Variants in MORC3 observed in about 807,000 individuals in gnomAD.
MORC3 encodes the protein MORC family CW-type zinc finger 3, also known as MORC family CW-type zinc finger protein 3.
Under a neutral mutation model 109.1 loss-of-function variants are expected in MORC3, and 31 were observed. That is an observed-to-expected ratio of 0.28 (90% CI 0.21 to 0.38). The LOEUF is 0.38. MORC3 is among the 10% of genes least tolerant of loss of function. The pLI is 1.00. For synonymous variants in MORC3, 395 were observed against 380.7 expected (o/e 1.04, Z -0.44); for missense variants, 867 against 1,135.8 (o/e 0.76, Z 3.40).
intron 13 of MORC3, among the ~76,000 whole-genome samples, chr21:36,362,595 T>A (rs986650608): frequency 3.3e-5 from 5 of 151,912 alleles, no homozygotes; most frequent in African/African-American, 1.2e-4. Flanking sequence ...CAGGCTGGTC[T>A]TGAACTCCTG....
intron 8 of MORC3, 100 bp from the exon 9 acceptor site, chr21:36,349,211 A>G: frequency 3.9e-6 from 3 of 778,670 alleles, no homozygotes; most frequent in East Asian, 2.9e-5. Context: ...ATCATACAAG[A>G]TAAAATATAG....
chr21:36,357,731 G>GT (rs1271655500), intron 10 of MORC3, among the ~76,000 whole-genome samples: 5,253 of 134,740 alleles, frequency 0.039, 123 homozygotes, highest in African/African-American at 0.064. Flanking sequence ...GGTTGGTTGG[G>GT]TTTTTTTTTT....
intron 8 of MORC3, chr21:36,348,066 T>A (rs892913713): frequency 6.6e-6 from 1 of 152,230 alleles, no homozygotes; most frequent in Non-Finnish European, 1.5e-5. Flanking sequence ...GAGTTACACA[T>A]TTTACTTTTT....
intron 8 of MORC3, among the ~76,000 whole-genome samples, chr21:36,345,541 C>G (rs1028325223): frequency 6.6e-6 from 1 of 151,946 alleles, no homozygotes; most frequent in African/African-American, 2.4e-5. Flanking sequence ...CCTGCCTCAG[C>G]CTTCCAAGTA....
chr21:36,370,639 ATTTTTTTTTTTTTTTTTT>A (rs869169013), intron 15 of MORC3, among the ~76,000 whole-genome samples: 4 of 37,568 alleles, frequency 1.1e-4, no homozygotes, highest in Admixed American at 4.1e-4. Context: ...ATATATATAT[ATTTTTTTTTTTTTTTTTT>A]TTTTTTTTTT....
chr21:36,329,210 G>A lies in MORC3; in HGVS notation c.40-4436G>A, dbSNP rs193143464. Among the ~76,000 whole-genome samples the A allele has an allele frequency of 3.8e-3, 575 of 152,060 alleles. 3 individuals carry two copies. Among genetic ancestry groups the A allele is most frequent in the Middle Eastern group, 0.027 (8 of 294 alleles). ...CTTGGGAAGCTGTGGCAGGAGAATC[G>A]CTTGAACCCGGGAGGCAGAGGTTGC... On this transcript the variant is annotated intron_variant, in intron 1 of 16. Transcript: ENST00000400485.
intron 13 of MORC3, among the ~76,000 whole-genome samples, chr21:36,362,453 G>T (rs573973399): frequency 6.6e-6 from 1 of 152,176 alleles, no homozygotes; most frequent in South Asian, 2.1e-4. Flanking sequence ...TGAAACAGGA[G>T]AATTGCTTGA....
chr21:36,339,175 G>C (rs1257887465), intron 5 of MORC3: 1 of 274,894 alleles, frequency 3.6e-6, no homozygotes, highest in African/African-American at 2.2e-5. Context: ...GCTGGAATGC[G>C]ATGGCGCAAT....
chr21:36,335,744 C>G (rs948581715), intron 2 of MORC3, among the ~76,000 whole-genome samples: 2 of 152,162 alleles, frequency 1.3e-5, no homozygotes, highest in African/African-American at 4.8e-5. Flanking sequence ...CTTGGTTTAA[C>G]TTGGTTAAAC....
chr21:36,334,023 G>A (rs993078017), intron 2 of MORC3, among the ~76,000 whole-genome samples: 1 of 151,764 alleles, frequency 6.6e-6, no homozygotes, highest in African/African-American at 2.4e-5. Context: ...TCCTGACCTC[G>A]TGATCCGCCT....
At chr21:36,365,859 G>A (rs2085775230) in intron 14 of MORC3, among the ~76,000 whole-genome samples, 1 of 152,152 alleles carries the variant, frequency 6.6e-6, no homozygotes, top group Non-Finnish European at 1.5e-5. Context: ...TGGGATTACA[G>A]GTGTGAGCCA....
At chr21:36,337,393 C>G (rs941638983) in intron 3 of MORC3, among the ~76,000 whole-genome samples, 8 of 152,120 alleles carry the variant, frequency 5.3e-5, no homozygotes, top group African/African-American at 7.2e-5. Flanking sequence ...GGGTTATACT[C>G]AGCTATTTAG....
At position 36,337,909 on chromosome 21, in the gene MORC3, G is replaced by A. The variant is rs747056930; in HGVS notation, c.423G>A (p.Glu141=). 7 of 1,614,044 alleles carry A rather than the reference G, an allele frequency of 4.3e-6. No homozygotes were observed. In the African/African-American group the frequency reaches 9.3e-5, roughly 22 times the overall value. Residue 141 remains glutamate, a synonymous_variant, in exon 4 of 17, where the codon GAG becomes GAA. Transcript: ENST00000400485. ...CCTACTTGGAAGTCATAAAAGCGGA[G>A]CATGTTGTTGTTCCAATAGTGGCAT... ...SQTYLEVIKA[E]HVVVPIVAFN...
At chr21:36,336,123 A>T in intron 2 of MORC3, among the ~76,000 whole-genome samples, 1 of 137,324 alleles carries the variant, frequency 7.3e-6, no homozygotes, top group African/African-American at 2.8e-5. Flanking sequence ...TACAGATGGG[A>T]TTTCACCCTG....
intron 14 of MORC3, among the ~76,000 whole-genome samples, chr21:36,365,927 G>A (rs2085776023): frequency 6.6e-6 from 1 of 151,988 alleles, no homozygotes; most frequent in African/African-American, 2.4e-5. Flanking sequence ...TTTTGGAGCT[G>A]GATTGCTACT....
intron 2 of MORC3, among the ~76,000 whole-genome samples, chr21:36,333,981 G>A (rs898084382): frequency 7.9e-5 from 12 of 151,738 alleles, no homozygotes; most frequent in Non-Finnish European, 1.5e-4. Flanking sequence ...TAGAGACGGG[G>A]TTTCACTGTG....
At chr21:36,360,765 T>C (rs2835340) in intron 12 of MORC3, 116,821 of 159,540 alleles carry the variant, frequency 0.73, 44,018 homozygotes, top group East Asian at 1. Context: ...GTACAGGGAA[T>C]AAACATTTAC....
Position 36,354,323 on chromosome 21 carries a change from CTTTT to C in MORC3, c.1104-2282_1104-2279del, listed in dbSNP as rs144208712. 1.5e-3 allele frequency among the ~76,000 whole-genome samples: 173 copies of C among 113,642 alleles called. No homozygotes were observed. In the Middle Eastern group the frequency reaches 0.017, roughly 11 times the overall value. The allele number at this position is 113,642 out of a possible 152,430, so 74.6% of individuals were successfully genotyped here. On this transcript the variant is annotated intron_variant, in intron 9 of 16. Transcript: ENST00000400485. ...TTTTGTTTTCTTTCTTTCTTTCTTT[CTTTT>C]TTTTTTTTTTTTTTGAGATGGAGTC...
At chr21:36,367,910 A>G (rs1445642140) in intron 14 of MORC3, among the ~76,000 whole-genome samples, 3 of 152,224 alleles carry the variant, frequency 2.0e-5, no homozygotes, top group African/African-American at 7.2e-5. Context: ...TAAGCTAGCA[A>G]TAGACTTGAG....
Sources: allele counts gnomAD v4.1 joint callset (sites outside exome capture counted in the v4.1 genomes callset), GRCh38; gene constraint gnomAD v4.1.1; transcripts MANE v1.5; gene names NCBI Gene and HGNC (gene_info 2026-07-23, HGNC 2026-07-21).